Variants in TTYH2 observed in about 807,000 individuals in gnomAD.
TTYH2 encodes the protein tweety family member 2.
In TTYH2, 49 loss-of-function variants were observed where a neutral mutation model predicts 68.3. That is an observed-to-expected ratio of 0.72 (90% confidence interval 0.57 to 0.91). The LOEUF (loss-of-function observed/expected upper bound fraction) is 0.91. Among genes scored for constraint, TTYH2 ranks in the 40% least tolerant of loss-of-function variants. The probability of loss-of-function intolerance (pLI) is 0.00; values close to 1 mark genes in which losing one functional copy is unlikely to be tolerated. For missense variants in TTYH2, 631 were observed against 700.4 expected (o/e 0.90, Z 1.12); for synonymous variants, 272 against 300.8 (o/e 0.90, Z 0.99).
chr17:74,260,297 G>A lies in TTYH2; in HGVS notation c.*88G>A. On this transcript the variant is annotated 3_prime_UTR_variant, in exon 14 of 14. Coordinates refer to ENST00000269346, the MANE Select transcript of TTYH2 (RefSeq NM_032646.6). The stretch of plus-strand genomic sequence containing the variant: ...CTGCGTTTCTTTAATAGAAACCAAA[G>A]GCATCTGGAGCCCGAGAGGCCTCCT... 1 of 1,402,498 alleles carries A rather than the reference G, an allele frequency of 7.1e-7. No individual in the cohort carries two copies. The highest frequency in any genetic ancestry group is 1.0e-6 in the Non-Finnish European group (1 of 998,774). 86.9% of individuals were successfully genotyped at this position (1,402,498 alleles called of 1,614,324 possible). A position where few individuals can be genotyped will look rare whatever the true frequency, so the allele number is the denominator to read the frequency against.
In TTYH2 at chr17:74,214,919, G is replaced by A. The variant is rs1052121506; in HGVS notation, c.129+1203G>A. On this transcript the variant is annotated intron_variant, in intron 1 of 13. Coordinates refer to ENST00000269346, the MANE Select transcript of TTYH2 (RefSeq NM_032646.6). This position sits in a 1 kb window ranked among gnomAD's most constrained non-coding sequence, Gnocchi z 4.6. ...AGGGAGTCTAATAATAACCCCTGAC[G>A]ACCCGGCTGCCATCAGGCCCAGGCA... Among the ~76,000 whole-genome samples, 1 of 152,106 alleles carries A rather than the reference G, an allele frequency of 6.6e-6. No homozygotes were observed. The highest frequency in any genetic ancestry group is 1.9e-4 in the East Asian group (1 of 5,178).
At chr17:74,228,412 G>C (rs903471419) in intron 2 of TTYH2, among the ~76,000 whole-genome samples, 3 of 152,134 alleles carry the variant, frequency 2.0e-5, no homozygotes, top group African/African-American at 4.8e-5. Flanking sequence ...TGAGCATTTT[G>C]GATGAAAACT....
rs978253134 is a variant in TTYH2, at chr17:74,213,903, G to A, written c.129+187G>A. Reference sequence around the variant, plus strand: ...AGGCCCGTGGCCCGCGTCCCCTCCTGTCTGGGAACCTGGGGGCCGGGAAAA... The same window carrying A: ...AGGCCCGTGGCCCGCGTCCCCTCCTATCTGGGAACCTGGGGGCCGGGAAAA... On this transcript the variant is annotated intron_variant, in intron 1 of 13. Coordinates refer to ENST00000269346, the MANE Select transcript of TTYH2 (RefSeq NM_032646.6). This position sits in a 1 kb window ranked among gnomAD's most constrained non-coding sequence, Gnocchi z 6.1. 2.6e-5 allele frequency among the ~76,000 whole-genome samples: 4 copies of A among 151,952 alleles called. No homozygotes were observed. The South Asian group carries it at 8.3e-4, about 32-fold the overall frequency.
intron 6 of TTYH2, chr17:74,248,755 A>G: frequency 6.5e-6 from 9 of 1,386,316 alleles, no homozygotes; most frequent in South Asian, 3.3e-5. Context: ...CTTTACTTGC[A>G]TTGGGTGAAT....
intron 10 of TTYH2, among the ~76,000 whole-genome samples, chr17:74,251,331 T>C (rs546397276): frequency 7.8e-6 from 1 of 129,024 alleles, no homozygotes; most frequent in Admixed American, 7.4e-5. Context: ...TGTGTGCACA[T>C]GTATGTGGTG....
chr17:74,213,583 G>T lies in TTYH2; in HGVS notation c.-5G>T, dbSNP rs1278206196. On this transcript the variant is annotated 5_prime_UTR_variant, in exon 1 of 14. Transcript: ENST00000269346. This position sits in a 1 kb window ranked among gnomAD's most constrained non-coding sequence, Gnocchi z 6.1. ...TCAGCTTGTGGGTAGCACTCGGGCC[G>T]AGCCATGCAGGCGGCGCGCGTGGAC... 2 of 1,609,090 alleles carry T rather than the reference G, an allele frequency of 1.2e-6. No homozygotes were observed. The highest frequency in any genetic ancestry group is 1.1e-5 in the South Asian group (1 of 90,652).
chr17:74,238,621 C>T (rs1021639675), intron 4 of TTYH2, among the ~76,000 whole-genome samples: 6 of 152,218 alleles, frequency 3.9e-5, no homozygotes, highest in Middle Eastern at 3.4e-3. Context: ...AATCCCAGCA[C>T]TTTGGGAGGC....
chr17:74,246,388 T>C (rs1401964736), intron 6 of TTYH2, among the ~76,000 whole-genome samples: 1 of 152,158 alleles, frequency 6.6e-6, no homozygotes, highest in Non-Finnish European at 1.5e-5. Flanking sequence ...TAACAGGACT[T>C]ACCTCAAAGG....
chr17:74,258,173 A>G (rs567494800), intron 13 of TTYH2, among the ~76,000 whole-genome samples: 1 of 152,078 alleles, frequency 6.6e-6, no homozygotes, highest in Non-Finnish European at 1.5e-5. Flanking sequence ...AAAAAAGAAG[A>G]AGGAGGGTCT....
chr17:74,236,973 T>C (rs2050449390), intron 3 of TTYH2, among the ~76,000 whole-genome samples: 1 of 151,560 alleles, frequency 6.6e-6, no homozygotes, highest in Non-Finnish European at 1.5e-5. Context: ...CTTGACTCAT[T>C]GCAGACTCCG....
At chr17:74,235,322 C>T (rs1378119962) in intron 3 of TTYH2, among the ~76,000 whole-genome samples, 1 of 152,204 alleles carries the variant, frequency 6.6e-6, no homozygotes, top group Non-Finnish European at 1.5e-5. Flanking sequence ...TTTTATCTCC[C>T]AGACCCGTGG....
chr17:74,238,684 T>G (rs1289196460), intron 4 of TTYH2, among the ~76,000 whole-genome samples: 1 of 151,914 alleles, frequency 6.6e-6, no homozygotes, highest in Non-Finnish European at 1.5e-5. Context: ...CTGACCAACA[T>G]GGAGAAACCC....
Position 74,213,764 on chromosome 17 carries a change from C to T in TTYH2, c.129+48C>T, listed in dbSNP as rs2050195003. On this transcript the variant is annotated intron_variant, in intron 1 of 13. Transcript: ENST00000269346. This position sits in a 1 kb window ranked among gnomAD's most constrained non-coding sequence, Gnocchi z 6.1. ...CGCAGCCACGCGCGCCCCAAGTCCC[C>T]GCACTACCCCCTCTCCCCTCGAGAG... 6.3e-7 allele frequency: 1 copy of T among 1,592,740 alleles called. No individual in the cohort carries two copies. Among genetic ancestry groups the T allele is most frequent in the Non-Finnish European group, 8.6e-7 (1 of 1,168,644 alleles).
chr17:74,229,485 GC>G (rs964860595), intron 2 of TTYH2, among the ~76,000 whole-genome samples: 1 of 151,500 alleles, frequency 6.6e-6, no homozygotes, highest in African/African-American at 2.4e-5. Flanking sequence ...AGCCCCACCT[GC>G]CAGAATGTGA....
chr17:74,217,326 T>A lies in TTYH2; in HGVS notation c.129+3610T>A, dbSNP rs895446743. 6.6e-6 allele frequency among the ~76,000 whole-genome samples: 1 copy of A among 152,132 alleles called. No individual in the cohort carries two copies. The highest frequency in any genetic ancestry group is 1.5e-5 in the Non-Finnish European group (1 of 68,014). ...TAGGAGGCAGAGGAGATGTTGTTAA[T>A]TTTTTTTGTATTTAGGCATGTATTT... On this transcript the variant is annotated intron_variant, in intron 1 of 13. Coordinates refer to ENST00000269346, the MANE Select transcript of TTYH2 (RefSeq NM_032646.6). The surrounding 1 kb of genome is among the most constrained non-coding windows in gnomAD (Gnocchi z 4.0).
At position 74,219,215 on chromosome 17, in the gene TTYH2, C is replaced by CAAAA. The variant is rs567646208; in HGVS notation, c.130-3260_130-3257dup. The stretch of plus-strand genomic sequence containing the variant: ...CTGGTGAGAGAGCAAGACTCCGTCT[C>CAAAA]AAAAAAAAAAAAAGTACAAAAAAAT... On this transcript the variant is annotated intron_variant, in intron 1 of 13. Coordinates refer to ENST00000269346, the MANE Select transcript of TTYH2 (RefSeq NM_032646.6). Among the ~76,000 whole-genome samples, 1,025 of 131,160 alleles carry CAAAA rather than the reference C, an allele frequency of 7.8e-3. 33 individuals are homozygous for CAAAA. The highest frequency in any genetic ancestry group is 0.03 in the African/African-American group (953 of 31,734). The allele number at this position is 131,160 out of a possible 152,430, so 86.0% of individuals were successfully genotyped here. A position where few individuals can be genotyped will look rare whatever the true frequency, so the allele number is the denominator to read the frequency against.
intron 13 of TTYH2, among the ~76,000 whole-genome samples, chr17:74,255,657 G>A (rs2050686495): frequency 1.3e-5 from 2 of 151,904 alleles, no homozygotes; most frequent in African/African-American, 4.8e-5. Flanking sequence ...GGCTGGTCTT[G>A]AACTCCTGAC....
In TTYH2 at chr17:74,215,204, T is replaced by TCC. The variant is rs1567807727; in HGVS notation, c.129+1491_129+1492dup. Among the ~76,000 whole-genome samples the TCC allele has an allele frequency of 6.7e-6, 1 of 148,980 alleles. No homozygotes were observed. The highest frequency in any genetic ancestry group is 6.7e-5 in the Admixed American group (1 of 15,022). ...GTGTGTGTGTGTGTGTGTGTGTGTGTCCCCATCCCAAACCCTGTGCCCCAC... is the reference window on the plus strand; with the variant it reads ...GTGTGTGTGTGTGTGTGTGTGTGTGTCCCCCCATCCCAAACCCTGTGCCCCAC... On this transcript the variant is annotated intron_variant, in intron 1 of 13. Coordinates refer to ENST00000269346, the MANE Select transcript of TTYH2 (RefSeq NM_032646.6). The surrounding 1 kb of genome is among the most constrained non-coding windows in gnomAD (Gnocchi z 4.3).
rs1210501879 is a variant in TTYH2 at position 74,260,363 on chromosome 17, CA to C, written c.*155del. On this transcript the variant is annotated 3_prime_UTR_variant, in exon 14 of 14. Coordinates refer to ENST00000269346, the MANE Select transcript of TTYH2 (RefSeq NM_032646.6). ...CAGCTGGGATTCCCGACCAAAGCCC[CA>C]GGGGGTGCAGAAGACTCACCACGCG... 1 of 733,954 alleles carries C rather than the reference CA, an allele frequency of 1.4e-6. No homozygotes were observed. Among genetic ancestry groups the C allele is most frequent in the African/African-American group, 1.7e-5 (1 of 57,300 alleles). The allele number at this position is 733,954 out of a possible 1,614,324, so 45.5% of individuals were successfully genotyped here.
Sources: allele counts gnomAD v4.1 joint callset (sites outside exome capture counted in the v4.1 genomes callset), GRCh38; gene constraint gnomAD v4.1.1; non-coding constraint Gnocchi (gnomAD v3.1); transcripts MANE v1.5; gene names NCBI Gene and HGNC (gene_info 2026-07-23, HGNC 2026-07-21).